The following CLMP variants were observed in gnomAD, a reference collection of about 807,000 sequenced individuals.
CLMP encodes the protein CXADR like cell adhesion molecule.
Under a neutral mutation model 45.2 loss-of-function variants are expected in CLMP, and 27 were observed. The observed-to-expected ratio is 0.60, with a 90% confidence interval of 0.44 to 0.82. The LOEUF is 0.82. CLMP is among the 40% of genes least tolerant of loss of function. The pLI is 0.00. For missense variants in CLMP, 403 were observed against 448.4 expected (o/e 0.90, Z 0.91); for synonymous variants, 167 against 171.4 (o/e 0.97, Z 0.20).
chr11:123,089,650 G>A (rs773065300), intron 2 of CLMP, among the ~76,000 whole-genome samples: 4 of 151,466 alleles, frequency 2.6e-5, no homozygotes, highest in African/African-American at 4.9e-5. Context: ...GGTGGCGGGC[G>A]CCCGTAGTTC....
chr11:123,184,642 G>A (rs1399921115), intron 1 of CLMP, among the ~76,000 whole-genome samples: 1 of 152,160 alleles, frequency 6.6e-6, no homozygotes, highest in South Asian at 2.1e-4. Context: ...GACCTAAAAG[G>A]GCCAGAGAAG....
chr11:123,127,471 T>C (rs1860913023), intron 1 of CLMP, among the ~76,000 whole-genome samples: 1 of 152,148 alleles, frequency 6.6e-6, no homozygotes, highest in Non-Finnish European at 1.5e-5. Flanking sequence ...TAAGACTTAT[T>C]ACGTGGAGGG....
intron 1 of CLMP, among the ~76,000 whole-genome samples, chr11:123,138,541 T>A (rs1375618284): frequency 6.6e-6 from 1 of 152,154 alleles, no homozygotes; most frequent in Non-Finnish European, 1.5e-5. Context: ...TAGCAGCATA[T>A]CAGCAATTTT....
At chr11:123,186,631 TC>T (rs1411823317) in intron 1 of CLMP, among the ~76,000 whole-genome samples, 1 of 152,062 alleles carries the variant, frequency 6.6e-6, no homozygotes, top group East Asian at 1.9e-4. Flanking sequence ...TGAATGATTC[TC>T]CTGCCTCAAG....
chr11:123,088,871 G>A (rs1160686056), intron 2 of CLMP, among the ~76,000 whole-genome samples: 1 of 152,134 alleles, frequency 6.6e-6, no homozygotes, highest in African/African-American at 2.4e-5. Flanking sequence ...TGATCCACCC[G>A]CCTTAGCTTC....
intron 1 of CLMP, among the ~76,000 whole-genome samples, chr11:123,112,341 T>TC (rs1473810758): frequency 2.7e-5 from 4 of 149,864 alleles, no homozygotes; most frequent in African/African-American, 9.8e-5. Context: ...TCTTTTTCTT[T>TC]TTTTTTTTTT....
intron 1 of CLMP, among the ~76,000 whole-genome samples, chr11:123,131,356 T>C (rs558966394): frequency 2.6e-5 from 4 of 152,154 alleles, no homozygotes; most frequent in African/African-American, 9.6e-5. Context: ...AGAAAAAATA[T>C]AGAAAGAATA....
chr11:123,193,318 C>A (rs1565408714), intron 1 of CLMP, among the ~76,000 whole-genome samples: 2 of 152,246 alleles, frequency 1.3e-5, no homozygotes, highest in Non-Finnish European at 2.9e-5. Context: ...TTGTGAAGAA[C>A]AAACGAATTA....
At chr11:123,092,709 T>C (rs7938792) in intron 2 of CLMP, among the ~76,000 whole-genome samples, 17,009 of 152,080 alleles carry the variant, frequency 0.11, 1,287 homozygotes, top group African/African-American at 0.2. Context: ...GTGATTCTTC[T>C]GCCTCAGCCT....
chr11:123,184,343 G>A (rs775083423), intron 1 of CLMP, among the ~76,000 whole-genome samples: 5 of 152,070 alleles, frequency 3.3e-5, no homozygotes, highest in Admixed American at 1.3e-4. Context: ...GGATCCTGCC[G>A]CCTCGGCCTC....
rs889741987 is a variant in CLMP at position 123,073,717 on chromosome 11, G to A, written c.879C>T (p.Gly293=). The A allele has an allele frequency of 6.2e-7, 1 of 1,613,418 alleles. No homozygotes were observed. The highest frequency in any genetic ancestry group is 8.5e-7 in the Non-Finnish European group (1 of 1,179,714). The change falls in exon 7 of 7, where the codon GGC becomes GGT. Residue 293 remains glycine, a synonymous_variant. Transcript: ENST00000448775. ...RLVKPSSSSS[G]SRSSRSGSSS... ...AAGAACCAGAGCGTGAGCTCCGAGAGCCTGAGGAAGAGGAGCTGGGTTTCA... is the reference window on the plus strand; with the variant it reads ...AAGAACCAGAGCGTGAGCTCCGAGAACCTGAGGAAGAGGAGCTGGGTTTCA...
In CLMP at chr11:123,099,283, C is replaced by T. The variant is rs182363455; in HGVS notation, c.29-1331G>A. 2.0e-3 allele frequency among the ~76,000 whole-genome samples: 302 copies of T among 152,230 alleles called. 2 individuals are homozygous for T. The highest frequency in any genetic ancestry group is 6.4e-3 in the African/African-American group (266 of 41,562). ...GCTGGAGAAAACCTTAGAGATGAAC[C>T]TTCTTACTTTCTTTAAGTCTAGTAA... On this transcript the variant is annotated intron_variant, in intron 1 of 6. Transcript: ENST00000448775.
intron 1 of CLMP, among the ~76,000 whole-genome samples, chr11:123,170,660 C>T (rs534213251): frequency 1.3e-3 from 203 of 152,174 alleles, no homozygotes; most frequent in African/African-American, 4.7e-3. Flanking sequence ...AAGCTGGTCT[C>T]GAACTACTGA....
At chr11:123,131,740 C>T (rs968619083) in intron 1 of CLMP, among the ~76,000 whole-genome samples, 4 of 151,938 alleles carry the variant, frequency 2.6e-5, no homozygotes, top group African/African-American at 7.2e-5. Flanking sequence ...CTCAGCCTCC[C>T]GAGTAGCTGG....
At chr11:123,078,705 CG>C (rs549884581) in intron 5 of CLMP, among the ~76,000 whole-genome samples, 160 of 147,874 alleles carry the variant, frequency 1.1e-3, no homozygotes, top group African/African-American at 3.9e-3. Context: ...AGTGCAGTGG[CG>C]GGATCTCGGC....
At chr11:123,090,983 G>A (rs894876222) in intron 2 of CLMP, among the ~76,000 whole-genome samples, 4 of 152,116 alleles carry the variant, frequency 2.6e-5, no homozygotes, top group African/African-American at 4.8e-5. Flanking sequence ...AAGGTCAGAG[G>A]CCAAAAAATG....
At chr11:123,185,235 C>G (rs57154118) in intron 1 of CLMP, among the ~76,000 whole-genome samples, 1,613 of 151,994 alleles carry the variant, frequency 0.011, 32 homozygotes, top group African/African-American at 0.037. Flanking sequence ...AGAGGTTGTG[C>G]AGTGAGAATT....
intron 1 of CLMP, among the ~76,000 whole-genome samples, chr11:123,146,553 G>C (rs1464236420): frequency 6.6e-6 from 1 of 152,090 alleles, no homozygotes; most frequent in Non-Finnish European, 1.5e-5. Context: ...CCACTCCTCA[G>C]CTCTGTGACA....
chr11:123,098,783 T>A (rs1314299386), intron 1 of CLMP, among the ~76,000 whole-genome samples: 5 of 149,738 alleles, frequency 3.3e-5, no homozygotes, highest in Non-Finnish European at 5.9e-5. Flanking sequence ...CTCGGCTCAC[T>A]GCAACCTCCG....
Sources: allele counts gnomAD v4.1 joint callset (sites outside exome capture counted in the v4.1 genomes callset), GRCh38; gene constraint gnomAD v4.1.1; transcripts MANE v1.5; gene names NCBI Gene and HGNC (gene_info 2026-07-23, HGNC 2026-07-21).